The following NRXN3 variants were observed in gnomAD, a reference collection of about 807,000 sequenced individuals.
The protein encoded by NRXN3 is neurexin III.
NRXN3 carries 32 observed loss-of-function variants against 137.6 expected under a neutral mutation model. The ratio of observed to expected loss-of-function variants is 0.23; its 90% CI spans 0.18 to 0.31. The LOEUF (loss-of-function observed/expected upper bound fraction) is 0.31, where lower values mean the gene tolerates loss of function less well. Among genes scored for constraint, NRXN3 ranks in the 10% least tolerant of loss-of-function variants. The pLI is 1.00. For synonymous variants in NRXN3, 798 were observed against 784.5 expected, an observed-to-expected ratio of 1.02 and a Z score of -0.29; for missense variants, 1,574 against 2,062.5, an observed-to-expected ratio of 0.76 and a Z score of 4.59.
At chr14:78,555,788 A>T (rs909325043) in intron 4 of NRXN3, among the ~76,000 whole-genome samples, 9 of 152,232 alleles carry the variant, frequency 5.9e-5, no homozygotes, top group Non-Finnish European at 8.8e-5. Flanking sequence ...GAAAATAAAA[A>T]TTTTATTTCC....
chr14:79,543,655 G>A (rs1018328899), intron 16 of NRXN3, among the ~76,000 whole-genome samples: 1 of 152,176 alleles, frequency 6.6e-6, no homozygotes, highest in African/African-American at 2.4e-5. Context: ...TGATGCAGAG[G>A]TGAATAAACA....
chr14:78,250,963 A>G (rs1363843551), intron 2 of NRXN3, among the ~76,000 whole-genome samples: 1 of 152,132 alleles, frequency 6.6e-6, no homozygotes, highest in Non-Finnish European at 1.5e-5. Flanking sequence ...AGAGAGAGAG[A>G]GAGAGAGAGG....
intron 4 of NRXN3, among the ~76,000 whole-genome samples, chr14:78,342,595 C>T (rs914622212): frequency 5.9e-5 from 9 of 152,204 alleles, no homozygotes; most frequent in Non-Finnish European, 1.0e-4. Context: ...CTCAATTTTA[C>T]AGACAATTAA....
intron 15 of NRXN3, among the ~76,000 whole-genome samples, chr14:79,467,018 T>C (rs1410497555): frequency 2.0e-5 from 3 of 152,250 alleles, no homozygotes; most frequent in South Asian, 2.1e-4. Context: ...TGCTTTGTTA[T>C]GCATTCATTC....
intron 15 of NRXN3, among the ~76,000 whole-genome samples, chr14:79,284,850 T>C (rs756601364): frequency 3.5e-4 from 53 of 152,204 alleles, no homozygotes; most frequent in Admixed American, 1.1e-3. Context: ...ACTTTCTTTA[T>C]GCCTGCCTTC....
intron 4 of NRXN3, among the ~76,000 whole-genome samples, chr14:78,562,583 A>G (rs1275241037): frequency 6.6e-6 from 1 of 151,912 alleles, no homozygotes; most frequent in East Asian, 1.9e-4. Flanking sequence ...GGGGAAAGAG[A>G]TAACCCATGA....
intron 19 of NRXN3, among the ~76,000 whole-genome samples, chr14:79,715,284 C>G (rs993246376): frequency 2.6e-5 from 4 of 152,164 alleles, no homozygotes; most frequent in Non-Finnish European, 5.9e-5. Flanking sequence ...AAAGAGTCCA[C>G]TAAACGAGGT....
intron 15 of NRXN3, among the ~76,000 whole-genome samples, chr14:79,215,090 C>A (rs2068268384): frequency 6.6e-6 from 1 of 152,154 alleles, no homozygotes; most frequent in Admixed American, 6.5e-5. Flanking sequence ...GATGCTGAGA[C>A]TGGCACTGGT....
intron 20 of NRXN3, among the ~76,000 whole-genome samples, chr14:79,845,371 A>G (rs2099364983): frequency 6.6e-6 from 1 of 152,256 alleles, no homozygotes; most frequent in Non-Finnish European, 1.5e-5. Flanking sequence ...GGCCTATTTC[A>G]GCTTTCAACA....
intron 4 of NRXN3, among the ~76,000 whole-genome samples, chr14:78,321,784 AG>A (rs2079399403): frequency 6.6e-6 from 1 of 152,018 alleles, no homozygotes; most frequent in Admixed American, 6.5e-5. Context: ...TATGCCTCCA[AG>A]GTCTCATAGG....
intron 15 of NRXN3, among the ~76,000 whole-genome samples, chr14:79,256,105 T>C (rs2076534403): frequency 6.6e-6 from 1 of 151,984 alleles, no homozygotes; most frequent in African/African-American, 2.4e-5. Flanking sequence ...TCTCTCTCTC[T>C]GTCTCTCTCC....
chr14:79,057,510 A>G (rs2099667317), intron 15 of NRXN3, among the ~76,000 whole-genome samples: 1 of 152,184 alleles, frequency 6.6e-6, no homozygotes, highest in African/African-American at 2.4e-5. Context: ...GCAGGAGCCA[A>G]AGATGGAATC....
chr14:79,292,370 C>G (rs1386533181), intron 15 of NRXN3, among the ~76,000 whole-genome samples: 1 of 152,168 alleles, frequency 6.6e-6, no homozygotes, highest in Non-Finnish European at 1.5e-5. Context: ...TTAATTCACT[C>G]TAAGAATCCG....
rs569067251 is a variant in NRXN3 at position 79,470,903 on chromosome 14, T to A, written c.3444+3501T>A. On this transcript the variant is annotated intron_variant, in intron 16 of 20. Transcript: ENST00000335750. The stretch of plus-strand genomic sequence containing the variant: ...GAGAGAGAGAAAGAGAGAGAGAGAG[T>A]GTGTGTGTGTGTGTGTGAGAGAGAG... Among the ~76,000 whole-genome samples the A allele has an allele frequency of 6.1e-3, 714 of 116,772 alleles. 10 individuals carry two copies. The highest frequency in any genetic ancestry group is 0.027 in the African/African-American group (585 of 21,530). The allele number at this position is 116,772 out of a possible 152,430, so 76.6% of individuals were successfully genotyped here.
chr14:78,898,620 C>T (rs911524392), intron 10 of NRXN3, among the ~76,000 whole-genome samples: 9 of 147,594 alleles, frequency 6.1e-5, no homozygotes, highest in South Asian at 2.1e-4. Flanking sequence ...ATCAAGCTGT[C>T]GGTTATATTC....
chr14:78,968,945 T>A (rs1015080407), intron 14 of NRXN3, among the ~76,000 whole-genome samples: 2 of 152,216 alleles, frequency 1.3e-5, no homozygotes, highest in South Asian at 4.1e-4. Context: ...TAGAAATACC[T>A]GGATTCAGCT....
intron 4 of NRXN3, among the ~76,000 whole-genome samples, chr14:78,491,240 G>C (rs1270092131): frequency 6.6e-6 from 1 of 152,100 alleles, no homozygotes; most frequent in Admixed American, 6.6e-5. Context: ...TATGAGTCTC[G>C]TAAACCTGCA....
In NRXN3 at chr14:79,526,701, C is replaced by G. The variant is rs117075482; in HGVS notation, c.3444+59299C>G. 8.4e-3 allele frequency among the ~76,000 whole-genome samples: 1,277 copies of G among 152,144 alleles called. 12 individuals are homozygous for G. The highest frequency in any genetic ancestry group is 0.011 in the Non-Finnish European group (764 of 68,010). On this transcript the variant is annotated intron_variant, in intron 16 of 20. Transcript: ENST00000335750. ...TACCTGCTGTCCTAGAGTTTAGACT[C>G]TAATGAGGGAGAGAGATAATAAACA... is the stretch of plus-strand genomic sequence containing the variant.
chr14:79,227,720 T>TTC (rs979813564), intron 15 of NRXN3, among the ~76,000 whole-genome samples: 3 of 150,166 alleles, frequency 2.0e-5, no homozygotes, highest in African/African-American at 7.4e-5. Context: ...TTCTTTCTTT[T>TTC]TCTCTCTCTC....
Sources: gnomAD v4.1 joint callset for allele counts (sites outside exome capture counted in the v4.1 genomes callset) on GRCh38, gnomAD v4.1.1 for gene constraint, MANE v1.5 for transcripts, NCBI Gene and HGNC (gene_info 2026-07-23, HGNC 2026-07-21) for gene names.